Variants in MGMT observed in about 807,000 individuals in gnomAD.
MGMT encodes the protein methylated-DNA--protein-cysteine methyltransferase.
A neutral mutation model predicts 15.9 loss-of-function variants in MGMT; 14 were observed. The ratio of observed to expected loss-of-function variants is 0.88; its 90% CI spans 0.58 to 1.37. The LOEUF (loss-of-function observed/expected upper bound fraction) is 1.37, where lower values mean the gene tolerates loss of function less well. MGMT is among the 40% of genes most tolerant of loss of function. MGMT has a pLI of 0.00. For missense variants in MGMT, 282 were observed against 268.1 expected (o/e 1.05, Z -0.36); for synonymous variants, 130 against 118.2 (o/e 1.10, Z -0.65).
intron 1 of MGMT, among the ~76,000 whole-genome samples, chr10:129,476,737 C>G (rs1845298924): frequency 6.6e-6 from 1 of 152,118 alleles, no homozygotes; most frequent in African/African-American, 2.4e-5. Context: ...GGGTGCTGCC[C>G]TGTGTGTCCT....
rs745900776 is a variant in MGMT at position 129,759,369 on chromosome 10, G to A, written c.414+28G>A. On this transcript the variant is annotated intron_variant, in intron 4 of 4. Transcript: ENST00000651593. ...GAGTTCTCATGGCGCAAGCATGGCT[G>A]TGGGTGGCGGGTGCGTGCAGGTGGC... 36 of 1,613,638 alleles carry A rather than the reference G, an allele frequency of 2.2e-5. No homozygotes were observed. The South Asian group carries it at 2.4e-4, about 11-fold the overall frequency.
chr10:129,518,339 C>A (rs1383806162), intron 1 of MGMT, among the ~76,000 whole-genome samples: 2 of 53,846 alleles, frequency 3.7e-5, no homozygotes, highest in Non-Finnish European at 5.4e-5. Flanking sequence ...CACACACATA[C>A]ACACACACAC....
intron 1 of MGMT, among the ~76,000 whole-genome samples, chr10:129,490,922 C>G (rs1404657883): frequency 6.6e-6 from 1 of 152,206 alleles, no homozygotes; most frequent in African/African-American, 2.4e-5. Flanking sequence ...TAAATTGCTA[C>G]TTTGCCACTT....
At chr10:129,762,489 C>T (rs536148144) in intron 4 of MGMT, among the ~76,000 whole-genome samples, 20 of 152,244 alleles carry the variant, frequency 1.3e-4, no homozygotes, top group South Asian at 4.2e-4. Flanking sequence ...ACTCACCAGC[C>T]GGTGTAAGGT....
chr10:129,722,230 T>C (rs529302257), intron 3 of MGMT, among the ~76,000 whole-genome samples: 15 of 152,264 alleles, frequency 9.9e-5, no homozygotes, highest in Middle Eastern at 3.4e-3. Flanking sequence ...TAACATAAAA[T>C]GTATTCTATT....
intron 1 of MGMT, among the ~76,000 whole-genome samples, chr10:129,529,440 G>A (rs1312899439): frequency 6.6e-6 from 1 of 152,072 alleles, no homozygotes; most frequent in Non-Finnish European, 1.5e-5. Flanking sequence ...GTTCACAATA[G>A]GCTTCACACT....
chr10:129,676,636 A>G (rs1847789284), intron 2 of MGMT, among the ~76,000 whole-genome samples: 1 of 152,202 alleles, frequency 6.6e-6, no homozygotes, highest in Non-Finnish European at 1.5e-5. Flanking sequence ...TGATAATTAT[A>G]ATCACTTTTA....
chr10:129,702,018 A>G (rs1420471861), intron 2 of MGMT: 1 of 152,194 alleles, frequency 6.6e-6, no homozygotes, highest in Non-Finnish European at 1.5e-5. Context: ...AGGGAAGGCG[A>G]TTTAAATCAA....
intron 1 of MGMT, among the ~76,000 whole-genome samples, chr10:129,521,336 T>C (rs1428608253): frequency 6.6e-6 from 1 of 151,914 alleles, no homozygotes; most frequent in Non-Finnish European, 1.5e-5. Context: ...AGGGAAGCTC[T>C]GGATGCAGTG....
At chr10:129,738,040 T>C (rs1848585056) in intron 3 of MGMT, among the ~76,000 whole-genome samples, 1 of 152,228 alleles carries the variant, frequency 6.6e-6, no homozygotes, top group African/African-American at 2.4e-5. Flanking sequence ...AGGTGGAGCC[T>C]ACAGAGGCAG....
chr10:129,759,356 C>A lies in MGMT; in HGVS notation c.414+15C>A, dbSNP rs371806755. The A allele has an allele frequency of 1.2e-6, 2 of 1,613,926 alleles. No individual in the cohort carries two copies. The highest frequency in any genetic ancestry group is 8.5e-7 in the Non-Finnish European group (1 of 1,179,936). ...GAGGCAATCCTGTGAGTTCTCATGGCGCAAGCATGGCTGTGGGTGGCGGGT... is the reference window on the plus strand; with the variant it reads ...GAGGCAATCCTGTGAGTTCTCATGGAGCAAGCATGGCTGTGGGTGGCGGGT... On this transcript the variant is annotated intron_variant, in intron 4 of 4. Coordinates refer to ENST00000651593, the MANE Select transcript of MGMT (RefSeq NM_002412.5).
intron 1 of MGMT, among the ~76,000 whole-genome samples, chr10:129,488,535 CT>C (rs1845436604): frequency 6.6e-6 from 1 of 152,064 alleles, no homozygotes; most frequent in African/African-American, 2.4e-5. Flanking sequence ...TTTATAGTGC[CT>C]TTTGATGGAC....
chr10:129,540,563 G>C (rs1846032306), intron 2 of MGMT, among the ~76,000 whole-genome samples: 1 of 152,162 alleles, frequency 6.6e-6, no homozygotes, highest in Admixed American at 6.5e-5. Flanking sequence ...TGTATGTGTT[G>C]ACATAGTCAT....
chr10:129,650,270 T>G (rs1847441669), intron 2 of MGMT, among the ~76,000 whole-genome samples: 1 of 152,116 alleles, frequency 6.6e-6, no homozygotes, highest in Admixed American at 6.5e-5. Context: ...CGTTCGTAAT[T>G]GTGAACCTCA....
intron 1 of MGMT, among the ~76,000 whole-genome samples, chr10:129,500,831 A>T (rs1352624632): frequency 6.6e-6 from 1 of 152,192 alleles, no homozygotes; most frequent in Non-Finnish European, 1.5e-5. Context: ...GATTACAGAC[A>T]TGAGCCACCG....
chr10:129,508,793 C>T (rs1191795350), intron 1 of MGMT, among the ~76,000 whole-genome samples: 7 of 151,950 alleles, frequency 4.6e-5, no homozygotes, highest in African/African-American at 1.2e-4. Context: ...GTGATCCACC[C>T]GTCTCGGCCT....
intron 2 of MGMT, among the ~76,000 whole-genome samples, chr10:129,626,217 G>GA (rs1847147440): frequency 6.6e-6 from 1 of 152,204 alleles, no homozygotes; most frequent in Non-Finnish European, 1.5e-5. Context: ...TGGGAAGGGG[G>GA]ATCAGGAACA....
chr10:129,749,125 A>G (rs1382890377), intron 3 of MGMT, among the ~76,000 whole-genome samples: 1 of 152,136 alleles, frequency 6.6e-6, no homozygotes, highest in Non-Finnish European at 1.5e-5. Flanking sequence ...CTGATCTCCT[A>G]AATATTTTGT....
chr10:129,574,723 C>T (rs1377180236), intron 2 of MGMT, among the ~76,000 whole-genome samples: 2 of 152,136 alleles, frequency 1.3e-5, no homozygotes, highest in Admixed American at 6.6e-5. Context: ...GTTAAATACT[C>T]CAGCATTCCT....
Sources: allele counts gnomAD v4.1 joint callset (sites outside exome capture counted in the v4.1 genomes callset), GRCh38; gene constraint gnomAD v4.1.1; transcripts MANE v1.5; gene names NCBI Gene and HGNC (gene_info 2026-07-23, HGNC 2026-07-21).